AKAP12: variants seen among roughly 807,000 people sequenced by gnomAD.
AKAP12 encodes the protein A-kinase anchoring protein 12, also known as A-kinase anchor protein 12.
Under a neutral mutation model 79.9 loss-of-function variants are expected in AKAP12, and 32 were observed. That is an observed-to-expected ratio of 0.40 (90% CI 0.30 to 0.54). The LOEUF (loss-of-function observed/expected upper bound fraction) is 0.54. Ranked by LOEUF, AKAP12 falls within the 20% of genes least tolerant of loss-of-function variation. The pLI is 0.48. For missense variants in AKAP12, 2,074 were observed against 2,177.0 expected (o/e 0.95, Z 0.94); for synonymous variants, 808 against 857.0 (o/e 0.94, Z 1.00).
chr6:151,250,491 C>T (rs1797152603), intron 2 of AKAP12, among the ~76,000 whole-genome samples: 1 of 151,186 alleles, frequency 6.6e-6, no homozygotes. Context: ...CAGAGTGAGA[C>T]TCCATCTTAA....
intron 3 of AKAP12, among the ~76,000 whole-genome samples, chr6:151,310,919 T>A (rs751306258): frequency 5.3e-5 from 8 of 152,150 alleles, no homozygotes; most frequent in Non-Finnish European, 1.0e-4. Flanking sequence ...CCTTCACAGG[T>A]CACATTTGTT....
At chr6:151,336,831 T>A (rs1777825629) in intron 3 of AKAP12, among the ~76,000 whole-genome samples, 1 of 152,238 alleles carries the variant, frequency 6.6e-6, no homozygotes, top group Non-Finnish European at 1.5e-5. Context: ...ATGCTGAGAA[T>A]GTTTTTGTAT....
At chr6:151,258,580 A>G (rs1268625425) in intron 2 of AKAP12, among the ~76,000 whole-genome samples, 1 of 152,232 alleles carries the variant, frequency 6.6e-6, no homozygotes, top group African/African-American at 2.4e-5. Flanking sequence ...CCACATAAAG[A>G]GGAAGAGCTC....
Position 151,350,171 on chromosome 6 carries a change from G to A in AKAP12, c.1780G>A (p.Glu594Lys), listed in dbSNP as rs1562753386. The A allele has an allele frequency of 6.2e-7, 1 of 1,614,022 alleles. No individual in the cohort carries two copies. The highest frequency in any genetic ancestry group is 8.5e-7 in the Non-Finnish European group (1 of 1,179,998). The change falls in exon 4 of 5, where the codon GAA becomes AAA. Residue 594 changes from glutamate (E) to lysine (K), a missense_variant. Transcript: ENST00000402676. This position sits in a 1 kb window ranked among gnomAD's most constrained non-coding sequence, Gnocchi z 4.8. ...AEVQQDGEAEEGATSDGEKKR... is the reference protein window; with the variant it reads ...AEVQQDGEAEKGATSDGEKKR... ...GGTGCAGCAGGATGGGGAAGCTGAA[G>A]AAGGAGCTACTTCCGATGGAGAGAA... is the stretch of plus-strand genomic sequence containing the variant.
intron 2 of AKAP12, among the ~76,000 whole-genome samples, chr6:151,302,922 G>T (rs1022505341): frequency 3.3e-5 from 5 of 152,178 alleles, no homozygotes; most frequent in Non-Finnish European, 5.9e-5. Flanking sequence ...TTGGCTGGGC[G>T]CAGTGGCTCA....
At chr6:151,292,603 G>T (rs1473515909) in intron 2 of AKAP12, among the ~76,000 whole-genome samples, 1 of 152,234 alleles carries the variant, frequency 6.6e-6, no homozygotes, top group Non-Finnish European at 1.5e-5. Flanking sequence ...AGGAACTGCA[G>T]ATACGGAAGG....
rs867171340 is a variant in AKAP12 at position 151,269,992 on chromosome 6, G to C, written c.162+29268G>C. On this transcript the variant is annotated intron_variant, in intron 2 of 4. Transcript: ENST00000402676. Reference sequence around the variant, plus strand: ...ATACAATATGTGGCCTTTTGTGTCTGGCTTTCATTTATTATGGTGTTTGCA... The same window carrying C: ...ATACAATATGTGGCCTTTTGTGTCTCGCTTTCATTTATTATGGTGTTTGCA... 4.6e-5 allele frequency among the ~76,000 whole-genome samples: 7 copies of C among 152,228 alleles called. No homozygotes were observed. In the South Asian group the frequency reaches 6.2e-4, roughly 14 times the overall value.
chr6:151,322,202 C>T (rs1446816134), intron 3 of AKAP12, among the ~76,000 whole-genome samples: 3 of 152,052 alleles, frequency 2.0e-5, no homozygotes, highest in African/African-American at 7.2e-5. Flanking sequence ...GCCACCGCGC[C>T]CAACCTGTTG....
At chr6:151,345,928 T>TGAGAGAGAGA (rs1235285184) in intron 3 of AKAP12, among the ~76,000 whole-genome samples, 4 of 110,810 alleles carry the variant, frequency 3.6e-5, no homozygotes, top group African/African-American at 1.3e-4. Flanking sequence ...TGTGTGTGTG[T>TGAGAGAGAGA]GTGTGAGAGA....
chr6:151,341,900 GC>G, intron 3 of AKAP12: 1 of 863,528 alleles, frequency 1.2e-6, no homozygotes, highest in Non-Finnish European at 1.6e-6. Flanking sequence ...TGGCATCCCA[GC>G]CCAGGCTGTA....
chr6:151,241,596 A>G (rs919071140), intron 2 of AKAP12, among the ~76,000 whole-genome samples: 1 of 152,156 alleles, frequency 6.6e-6, no homozygotes, highest in Non-Finnish European at 1.5e-5. Flanking sequence ...ACAGCCGCCA[A>G]GACTGTGGCT....
At chr6:151,314,720 C>G (rs1777198506) in intron 3 of AKAP12, among the ~76,000 whole-genome samples, 1 of 152,154 alleles carries the variant, frequency 6.6e-6, no homozygotes, top group African/African-American at 2.4e-5. Flanking sequence ...AGGAGCCAGG[C>G]AAGTCAGCCT....
At chr6:151,281,564 C>A (rs1776408314) in intron 2 of AKAP12, among the ~76,000 whole-genome samples, 1 of 152,196 alleles carries the variant, frequency 6.6e-6, no homozygotes, top group Non-Finnish European at 1.5e-5. Context: ...GGAATAGCCT[C>A]CCAAATCCTA....
chr6:151,270,651 G>GTTAGAA (rs1386500737), intron 2 of AKAP12, among the ~76,000 whole-genome samples: 1 of 152,186 alleles, frequency 6.6e-6, no homozygotes, highest in East Asian at 1.9e-4. Context: ...AACCAGCAGT[G>GTTAGAA]TTTGAGGGTT....
chr6:151,324,461 C>T (rs1777474986), intron 3 of AKAP12: 1 of 985,444 alleles, frequency 1.0e-6, no homozygotes, highest in East Asian at 1.1e-4. Context: ...CCAGCCAGCT[C>T]TCCTGGACTT....
intron 2 of AKAP12, among the ~76,000 whole-genome samples, chr6:151,265,010 G>A (rs905728039): frequency 6.6e-6 from 1 of 152,006 alleles, no homozygotes; most frequent in Admixed American, 6.6e-5. Flanking sequence ...AATTAGCCGG[G>A]CATGATGGTG....
chr6:151,350,996 G>A lies in AKAP12; in HGVS notation c.2605G>A (p.Ala869Thr), dbSNP rs376234284. The change falls in exon 4 of 5, where the codon GCA becomes ACA. Residue 869 changes from alanine to threonine, a missense_variant. By Grantham distance (58) the Ala-to-Thr change is moderately conservative (BLOSUM62 0). Transcript: ENST00000402676. This position sits in a 1 kb window ranked among gnomAD's most constrained non-coding sequence, Gnocchi z 4.8. ...GGAGGCACAGCAAGCCCAAAAAAGC[G>A]CAGAGCAGCCCGAGCAGAAGGCAGC... ...KMEAQQAQKS[A>T]EQPEQKAATE... The A allele has an allele frequency of 2.2e-5, 36 of 1,613,960 alleles. No individual in the cohort carries two copies. The highest frequency in any genetic ancestry group is 5.0e-5 in the Admixed American group (3 of 59,974).
intron 3 of AKAP12, among the ~76,000 whole-genome samples, chr6:151,313,546 A>G (rs554989601): frequency 2.0e-5 from 3 of 152,352 alleles, no homozygotes; most frequent in East Asian, 3.9e-4. Flanking sequence ...TTTCTGGTCC[A>G]AATATTTCAC....
intron 2 of AKAP12, among the ~76,000 whole-genome samples, chr6:151,264,610 G>T (rs1359431038): frequency 6.6e-6 from 1 of 150,926 alleles, no homozygotes; most frequent in Non-Finnish European, 1.5e-5. Flanking sequence ...GGCAGAGGTT[G>T]CAGTGAGCCA....
Sources: gnomAD v4.1 joint callset for allele counts (sites outside exome capture counted in the v4.1 genomes callset) on GRCh38, gnomAD v4.1.1 for gene constraint, Gnocchi (gnomAD v3.1) non-coding constraint, MANE v1.5 for transcripts, NCBI Gene and HGNC (gene_info 2026-07-23, HGNC 2026-07-21) for gene names.